The following TPRG1 variants were observed in gnomAD, a reference collection of about 807,000 sequenced individuals.
TPRG1 encodes the protein tumor protein p63 regulated 1, also known as tumor protein p63-regulated gene 1 protein.
In TPRG1, 29 loss-of-function variants were observed where a neutral mutation model predicts 29.3. The observed-to-expected ratio is 0.99, with a 90% CI of 0.74 to 1.35. TPRG1 has a LOEUF of 1.35. Ranked by LOEUF, TPRG1 falls within the 40% of genes most tolerant of loss-of-function variation. The pLI is 0.00. For synonymous variants in TPRG1, 130 were observed against 116.8 expected (o/e 1.11, Z -0.73); for missense variants, 327 against 335.0 (o/e 0.98, Z 0.19).
At chr3:189,038,899 A>G (rs895790601) in intron 4 of TPRG1, among the ~76,000 whole-genome samples, 14 of 152,210 alleles carry the variant, frequency 9.2e-5, no homozygotes, top group Non-Finnish European at 2.9e-5. Context: ...GAGAGCTATA[A>G]ATTAAAACCA....
upstream of TPRG1, among the ~76,000 whole-genome samples, chr3:189,099,310 G>A (rs1377629121): frequency 2.0e-5 from 3 of 152,138 alleles, no homozygotes; most frequent in Admixed American, 6.5e-5. Flanking sequence ...GTCACATGGT[G>A]TGTGGAGCAA....
At chr3:189,298,413 T>C (rs1018999364) in intron 4 of TPRG1, among the ~76,000 whole-genome samples, 1 of 152,218 alleles carries the variant, frequency 6.6e-6, no homozygotes. Flanking sequence ...CTGCTGAGTA[T>C]GTCTCCTGTC....
At chr3:189,060,652 G>A (rs541155884) in intron 4 of TPRG1, among the ~76,000 whole-genome samples, 15 of 152,180 alleles carry the variant, frequency 9.9e-5, no homozygotes, top group Admixed American at 3.3e-4. Context: ...ACTAACTACA[G>A]CCAAGATGAG....
At chr3:189,316,227 T>A (rs940430376) in intron 5 of TPRG1, among the ~76,000 whole-genome samples, 1 of 152,184 alleles carries the variant, frequency 6.6e-6, no homozygotes, top group Admixed American at 6.6e-5. Context: ...AGCTACTGCC[T>A]CTTCTTATTT....
chr3:189,286,374 G>T (rs1229773434), intron 4 of TPRG1, among the ~76,000 whole-genome samples: 1 of 152,052 alleles, frequency 6.6e-6, no homozygotes, highest in African/African-American at 2.4e-5. Flanking sequence ...ATGCCAGAAG[G>T]TAAGCTGTAT....
chr3:189,076,083 G>T (rs73890955), intron 4 of TPRG1, among the ~76,000 whole-genome samples: 1 of 152,188 alleles, frequency 6.6e-6, no homozygotes, highest in Non-Finnish European at 1.5e-5. Context: ...CAAGCCACAT[G>T]GTTAATATGT....
intron 4 of TPRG1, among the ~76,000 whole-genome samples, chr3:189,058,447 T>C (rs1226206529): frequency 6.6e-6 from 1 of 152,240 alleles, no homozygotes; most frequent in Admixed American, 6.5e-5. Context: ...AGCTGGTTTC[T>C]ATAAAATGGC....
intron 4 of TPRG1, among the ~76,000 whole-genome samples, chr3:189,283,348 C>G (rs1005557715): frequency 2.6e-5 from 4 of 152,152 alleles, no homozygotes; most frequent in Non-Finnish European, 5.9e-5. Flanking sequence ...ACTGGAAATG[C>G]CTCCTATGTG....
Position 189,323,590 on chromosome 3 carries a change from T to C in TPRG1, c.*2770T>C, listed in dbSNP as rs1291787687. On this transcript the variant is annotated 3_prime_UTR_variant, in exon 6 of 6. Coordinates refer to ENST00000345063, the MANE Select transcript of TPRG1 (RefSeq NM_198485.4). ...TTCATTACCATCGACCTACTGATTA[T>C]GGTTTTCTCATTTTACACTTGGTGT... is the stretch of plus-strand genomic sequence containing the variant. The C allele has an allele frequency of 6.6e-6, 1 of 152,154 alleles. No homozygotes were observed. The highest frequency in any genetic ancestry group is 1.5e-5 in the Non-Finnish European group (1 of 67,998). The allele number at this position is 152,154 out of a possible 1,614,324, so 9.4% of individuals were successfully genotyped here.
At chr3:189,196,832 A>G (rs1732616263) in intron 1 of TPRG1, among the ~76,000 whole-genome samples, 1 of 152,238 alleles carries the variant, frequency 6.6e-6, no homozygotes, top group Admixed American at 6.5e-5. Context: ...CATTAGAATA[A>G]TAAAGGCTGG....
intron 4 of TPRG1, among the ~76,000 whole-genome samples, chr3:189,071,585 GAA>G (rs888507194): frequency 1.8e-4 from 27 of 152,126 alleles, no homozygotes; most frequent in African/African-American, 6.5e-4. Context: ...CACAGGTACA[GAA>G]AAAGTCATTT....
At chr3:189,173,337 TTCTTC>T (rs2108667805) in intron 1 of TPRG1, among the ~76,000 whole-genome samples, 1 of 101,092 alleles carries the variant, frequency 9.9e-6, no homozygotes, top group African/African-American at 5.7e-5. Context: ...CTTTCTTTTC[TTCTTC>T]TTTTTTTTTT....
chr3:189,233,194 GTGTT>G (rs1451246763), intron 3 of TPRG1, among the ~76,000 whole-genome samples: 3 of 147,710 alleles, frequency 2.0e-5, no homozygotes, highest in Non-Finnish European at 4.5e-5. Flanking sequence ...GTGTGTGTGT[GTGTT>G]TGTGTGCAAG....
intron 4 of TPRG1, among the ~76,000 whole-genome samples, chr3:189,274,268 T>G (rs569142738): frequency 6.6e-6 from 1 of 152,236 alleles, no homozygotes; most frequent in Non-Finnish European, 1.5e-5. Context: ...GAAATGAAAA[T>G]TTTGGCTGAG....
In TPRG1 at chr3:189,037,022, G is replaced by A. The variant is rs556816300; in HGVS notation, c.-463+13076G>A. 3.6e-3 allele frequency among the ~76,000 whole-genome samples: 346 copies of A among 97,160 alleles called. 2 individuals carry two copies. The highest frequency in any genetic ancestry group is 0.017 in the South Asian group (43 of 2,502). 63.7% of individuals were successfully genotyped at this position (97,160 alleles called of 152,430 possible). ...AATCCGAGGCCCAAATGATTTATAA[G>A]TGACTTCTGAAAAAAAAAACGAAAC... On this transcript the variant is annotated intron_variant, in intron 4 of 10. Transcript: ENST00000433971.
intron 4 of TPRG1, among the ~76,000 whole-genome samples, chr3:189,072,915 GGAGCCCC>G (rs1209693242): frequency 6.6e-6 from 1 of 152,012 alleles, no homozygotes; most frequent in Non-Finnish European, 1.5e-5. Flanking sequence ...TATCAAAGTG[GGAGCCCC>G]TTCAAGCATG....
intron 5 of TPRG1, among the ~76,000 whole-genome samples, chr3:189,317,489 CTT>C (rs1476431009): frequency 6.6e-6 from 1 of 152,082 alleles, no homozygotes; most frequent in African/African-American, 2.4e-5. Context: ...TATACAAACA[CTT>C]TATTTCACTT....
chr3:189,294,630 G>C (rs942767157), intron 4 of TPRG1, among the ~76,000 whole-genome samples: 3 of 152,118 alleles, frequency 2.0e-5, no homozygotes, highest in Non-Finnish European at 4.4e-5. Context: ...GTTTCAAATA[G>C]ACCAAAGACA....
chr3:189,022,602 G>T (rs1210207545), intron 3 of TPRG1, among the ~76,000 whole-genome samples: 3 of 152,028 alleles, frequency 2.0e-5, no homozygotes, highest in Admixed American at 6.5e-5. Flanking sequence ...CAGATCTCCA[G>T]CTGCGTGCTG....
Sources: allele counts gnomAD v4.1 joint callset (sites outside exome capture counted in the v4.1 genomes callset), GRCh38; gene constraint gnomAD v4.1.1; transcripts MANE v1.5; gene names NCBI Gene and HGNC (gene_info 2026-07-23, HGNC 2026-07-21).